The following BAZ2A variants were observed in gnomAD, a reference collection of about 807,000 sequenced individuals.
BAZ2A encodes the protein bromodomain adjacent to zinc finger domain 2A.
A neutral mutation model predicts 199.9 loss-of-function variants in BAZ2A; 34 were observed. That is an observed-to-expected ratio of 0.17 (90% CI 0.13 to 0.23). BAZ2A has a LOEUF of 0.23. Ranked by LOEUF, BAZ2A falls within the 10% of genes least tolerant of loss-of-function variation. The pLI, the probability that BAZ2A is intolerant of heterozygous loss-of-function variation, is 1.00. For missense variants in BAZ2A, 2,002 were observed against 2,391.1 expected, an observed-to-expected ratio of 0.84 and a Z score of 3.39; for synonymous variants, 857 against 883.9, an observed-to-expected ratio of 0.97 and a Z score of 0.54.
Position 56,602,844 on chromosome 12 carries a change from A to G in BAZ2A, c.3293T>C (p.Phe1098Ser). 3 of 1,612,048 alleles carry G rather than the reference A, an allele frequency of 1.9e-6. No homozygotes were observed. The highest frequency in any genetic ancestry group is 3.3e-4 in the Middle Eastern group (2 of 6,054). ...IEKLSKRQLFFRKKLLHSSQM... is the reference protein window; with the variant it reads ...IEKLSKRQLFSRKKLLHSSQM... ...GGATGAGTGAAGCAGCTTTTTGCGA[A>G]AGAAAAGCTGACGCTGGGTAGACAA... The change falls in exon 19 of 29, where the codon TTT becomes TCT. Residue 1098 changes from phenylalanine to serine, a missense_variant. Phe to Ser is a radical substitution (Grantham distance 155, BLOSUM62 -2). This residue lies in a region of BAZ2A where 1,081 missense variants were observed against 1,274.7 expected (regional missense o/e 0.85). Coordinates refer to ENST00000549884, the MANE Select transcript of BAZ2A (RefSeq NM_001300905.2).
In BAZ2A at chr12:56,600,413, A is replaced by C. The variant is rs375960412; in HGVS notation, c.4680T>G (p.Asp1560Glu). 12 of 1,613,876 alleles carry C rather than the reference A, an allele frequency of 7.4e-6. No individual in the cohort carries two copies. Among genetic ancestry groups the C allele is most frequent in the Non-Finnish European group, 1.0e-5 (12 of 1,179,882 alleles). Residue 1560 changes from aspartate (D) to glutamate (E), a missense_variant, in exon 24 of 29, where the codon GAT (aspartate) becomes GAG (glutamate). Around this residue, in one of 6 missense-constraint regions of BAZ2A, gnomAD observed 1,081 missense variants for 1,274.7 expected, o/e 0.85. Transcript: ENST00000549884. ...YCEHLSDSQE[D>E]ITWRGRGREG... is the part of the protein sequence containing the mutation. The stretch of plus-strand genomic sequence containing the variant: ...CCCTGCCCCGACCTCGCCAGGTGAT[A>C]TCCTCCTGGGAGTCGGAGAGGTGCT...
intron 2 of BAZ2A, among the ~76,000 whole-genome samples, chr12:56,616,405 G>A (rs1592600433): frequency 6.6e-6 from 1 of 152,132 alleles, no homozygotes; most frequent in Non-Finnish European, 1.5e-5. Flanking sequence ...TGCAGATCCA[G>A]CACTTTGTGC....
chr12:56,636,147 C>T (rs1219601225), intron 1 of BAZ2A: 2 of 1,578,322 alleles, frequency 1.3e-6, no homozygotes, highest in Admixed American at 3.6e-5. Flanking sequence ...GTAGGCATCC[C>T]TCAGGCCTTC....
Position 56,614,003 on chromosome 12 carries a change from G to C in BAZ2A, c.866C>G (p.Thr289Ser). The C allele has an allele frequency of 6.2e-7, 1 of 1,614,014 alleles. No homozygotes were observed. Among genetic ancestry groups the C allele is most frequent in the Non-Finnish European group, 8.5e-7 (1 of 1,179,880 alleles). The change falls in exon 4 of 29, where the codon ACT becomes AGT. Residue 289 changes from threonine (T) to serine (S), a missense_variant. Thr to Ser is a moderately conservative substitution (Grantham distance 58). Around this residue, in one of 6 missense-constraint regions of BAZ2A, gnomAD observed 641 missense variants for 694.5 expected, o/e 0.92. Coordinates refer to ENST00000549884, the MANE Select transcript of BAZ2A (RefSeq NM_001300905.2). ...CAGAGAGTCTTCACTGAGGATTGGAGTGTCTTCCAGTTGATCAGGAAGATG... is the reference window on the plus strand; with the variant it reads ...CAGAGAGTCTTCACTGAGGATTGGACTGTCTTCCAGTTGATCAGGAAGATG... ...PSHLPDQLED[T>S]PILSEDSLEP...
At position 56,599,366 on chromosome 12, in the gene BAZ2A, T is replaced by A; in HGVS notation, c.5173-8A>T. ...GAATTCTCCCTCCACCTGCTTAGTA[T>A]AGGAAACAGGTGAGATTAGCAACAG... On this transcript the variant is annotated splice_region_variant and splice_polypyrimidine_tract_variant and intron_variant, in intron 26 of 28. Coordinates refer to ENST00000549884, the MANE Select transcript of BAZ2A (RefSeq NM_001300905.2). 1 of 1,610,198 alleles carries A rather than the reference T, an allele frequency of 6.2e-7. No individual in the cohort carries two copies. Among genetic ancestry groups the A allele is most frequent in the South Asian group, 1.1e-5 (1 of 90,442 alleles).
rs768350878 is a variant in BAZ2A at position 56,604,631 on chromosome 12, G to C, written c.2917C>G (p.Leu973Val). ...TTGAGCTCATGCACAAGGAAGGCCA[G>C]GACAGCAGCCTTCTGCTGGGGTGGC... ...AQPPQQKAAV[L>V]AFLVHELNGS... The change falls in exon 15 of 29, where the codon CTG becomes GTG. Residue 973 changes from leucine to valine, a missense_variant. Leu to Val is a conservative substitution (Grantham distance 32). Transcript: ENST00000549884. The C allele has an allele frequency of 1.7e-5, 28 of 1,606,398 alleles. No homozygotes were observed. Among genetic ancestry groups the C allele is most frequent in the Non-Finnish European group, 2.3e-5 (27 of 1,176,472 alleles).
chr12:56,604,409 T>C, intron 15 of BAZ2A, 118 bp from the exon 16 acceptor site: 3 of 1,325,372 alleles, frequency 2.3e-6, no homozygotes, highest in South Asian at 1.3e-5. Flanking sequence ...ATTGGGTGAA[T>C]GGCAGAAGGC....
chr12:56,635,150 G>T, upstream of BAZ2A: 1 of 615,650 alleles, frequency 1.6e-6, no homozygotes, highest in Non-Finnish European at 2.0e-6. This position sits in a 1 kb window ranked among gnomAD's most constrained non-coding sequence, Gnocchi z 4.1. Flanking sequence ...GAGGATAGCG[G>T]GTGGCGTCTC....
Position 56,601,732 on chromosome 12 carries a change from T to C in BAZ2A, c.3885A>G (p.Leu1295=). The C allele has an allele frequency of 6.2e-7, 1 of 1,613,948 alleles. No homozygotes were observed. Residue 1295 remains leucine (L), a synonymous_variant, in exon 20 of 29, where the codon CTA becomes CTG. Transcript: ENST00000549884. ...VLTPDSSPGK[L]DPAPSQPPEE... ...CCGGGGGTTGTGATGGAGCTGGGTC[T>C]AGTTTTCCCGGACTGCTATCAGGTG...
chr12:56,600,513 A>C, intron 23 of BAZ2A, 23 bp from the exon 24 acceptor site: 1 of 1,603,522 alleles, frequency 6.2e-7, no homozygotes, highest in Non-Finnish European at 8.5e-7. Flanking sequence ...GAGAGGAATA[A>C]AACTCACTGT....
chr12:56,610,341 G>A, intron 8 of BAZ2A, 68 bp downstream of exon 8: 13 of 1,569,508 alleles, frequency 8.3e-6, no homozygotes, highest in Non-Finnish European at 1.1e-5. Context: ...CCCAAGAACG[G>A]AGTCTTGGGC....
intron 10 of BAZ2A, among the ~76,000 whole-genome samples, chr12:56,609,014 C>T (rs1950468505): frequency 6.6e-6 from 1 of 150,568 alleles, no homozygotes; most frequent in African/African-American, 2.5e-5. Flanking sequence ...GGTGGGACTA[C>T]AGGCACACAC....
rs1057367061 is a variant in BAZ2A at position 56,635,513 on chromosome 12, C to T, written c.4+669G>A. The stretch of plus-strand genomic sequence containing the variant: ...TGGGGCCTTTGGAATCAGGAAGCCA[C>T]GAAGGCAAAAACCTCCTATCCTCTC... On this transcript the variant is annotated intron_variant, in intron 1 of 29. Transcript: ENST00000379441. This position sits in a 1 kb window ranked among gnomAD's most constrained non-coding sequence, Gnocchi z 4.1. 6.6e-6 allele frequency among the ~76,000 whole-genome samples: 1 copy of T among 152,134 alleles called. No individual in the cohort carries two copies. The highest frequency in any genetic ancestry group is 1.5e-5 in the Non-Finnish European group (1 of 68,010).
At position 56,615,352 on chromosome 12, in the gene BAZ2A, G is replaced by A. The variant is rs1200286582; in HGVS notation, c.392C>T (p.Pro131Leu). Residue 131 changes from proline to leucine, a missense_variant, in exon 3 of 29, where the codon CCT (proline) becomes CTT (leucine). Physicochemically the swap from Pro to Leu is moderately conservative, Grantham distance 98. This residue lies in a region of BAZ2A where 641 missense variants were observed against 694.5 expected (regional missense o/e 0.92). Coordinates refer to ENST00000549884, the MANE Select transcript of BAZ2A (RefSeq NM_001300905.2). ...GTTAGTGTTATGACTTGGGGATGAA[G>A]GTTGCCGGCTGCCCCCAAGGATGCC... ...LNGILGGSRQPSSPSHNTNLR... is the reference protein window; with the variant it reads ...LNGILGGSRQLSSPSHNTNLR... The A allele has an allele frequency of 2.5e-6, 4 of 1,613,616 alleles. No homozygotes were observed. The highest frequency in any genetic ancestry group is 4.5e-5 in the East Asian group (2 of 44,884).
Position 56,615,162 on chromosome 12 carries a change from C to G in BAZ2A, c.582G>C (p.Leu194Phe), listed in dbSNP as rs1387623943. ...FFTSPQTSPM[L>F]GSSIQTFAPS... Reference sequence around the variant, plus strand: ...GTGCAAAGGTTTGAATGCTAGATCCCAACATAGGAGAAGTCTGTGGGGAGG... The same window carrying G: ...GTGCAAAGGTTTGAATGCTAGATCCGAACATAGGAGAAGTCTGTGGGGAGG... The change falls in exon 3 of 29, where the codon TTG (leucine) becomes TTC (phenylalanine). Residue 194 changes from leucine to phenylalanine, a missense_variant. Transcript: ENST00000549884. 6.2e-7 allele frequency: 1 copy of G among 1,613,640 alleles called. No homozygotes were observed. The highest frequency in any genetic ancestry group is 8.5e-7 in the Non-Finnish European group (1 of 1,179,778).
chr12:56,605,355 T>A, intron 13 of BAZ2A, 28 bp from the exon 14 acceptor site: 3 of 1,576,396 alleles, frequency 1.9e-6, no homozygotes, highest in Non-Finnish European at 2.6e-6. Context: ...AGTAGAGAGT[T>A]CTGTTAAACA....
intron 10 of BAZ2A, among the ~76,000 whole-genome samples, chr12:56,607,715 C>T (rs945929441): frequency 6.6e-6 from 1 of 152,134 alleles, no homozygotes; most frequent in Non-Finnish European, 1.5e-5. Flanking sequence ...ATAGAAACGC[C>T]ACCACATGTC....
chr12:56,601,422 T>C lies in BAZ2A; in HGVS notation c.4072-20A>G. 2 of 1,606,650 alleles carry C rather than the reference T, an allele frequency of 1.2e-6. No homozygotes were observed. Among genetic ancestry groups the C allele is most frequent in the African/African-American group, 1.3e-5 (1 of 74,890 alleles). Reference sequence around the variant, plus strand: ...ATTCATCTGTGAATAAAATGAGACATAAGGAAATGAGGATGTTTTCATGTT... The same window carrying C: ...ATTCATCTGTGAATAAAATGAGACACAAGGAAATGAGGATGTTTTCATGTT... On this transcript the variant is annotated intron_variant, in intron 20 of 28. Coordinates refer to ENST00000549884, the MANE Select transcript of BAZ2A (RefSeq NM_001300905.2).
intron 1 of BAZ2A, among the ~76,000 whole-genome samples, chr12:56,623,214 C>T (rs1227508559): frequency 4.6e-5 from 7 of 150,840 alleles, no homozygotes; most frequent in East Asian, 1.9e-4. Flanking sequence ...CCAGTCTGGG[C>T]GACAGAGCGA....
Sources: allele counts gnomAD v4.1 joint callset (sites outside exome capture counted in the v4.1 genomes callset), GRCh38; gene constraint gnomAD v4.1.1; regional missense constraint gnomAD v4.1.1; non-coding constraint Gnocchi (gnomAD v3.1); transcripts MANE v1.5; gene names NCBI Gene and HGNC (gene_info 2026-07-23, HGNC 2026-07-21).